Variants in SUN3 observed in about 807,000 individuals in gnomAD.
The protein encoded by SUN3 is SUN domain-containing protein 3.
Under a neutral mutation model 48.2 loss-of-function variants are expected in SUN3, and 36 were observed. The ratio of observed to expected loss-of-function variants is 0.75; its 90% CI spans 0.57 to 0.99. SUN3 has a LOEUF of 0.99. Ranked by LOEUF, SUN3 falls within the 50% of genes least tolerant of loss-of-function variation. The pLI, the probability that SUN3 is intolerant of heterozygous loss-of-function variation, is 0.00. For missense variants in SUN3, 419 were observed against 433.1 expected (o/e 0.97, Z 0.29); for synonymous variants, 148 against 147.9 (o/e 1.00, Z 0.00).
At chr7:48,008,973 G>T in intron 4 of SUN3, 62 bp downstream of exon 4, 2 of 1,515,630 alleles carry the variant, frequency 1.3e-6, no homozygotes, top group Non-Finnish European at 1.8e-6. Flanking sequence ...TTTTCTGTAC[G>T]AAAACATTTC....
intron 9 of SUN3, among the ~76,000 whole-genome samples, chr7:47,988,458 T>C (rs1346121298): frequency 6.6e-6 from 1 of 152,162 alleles, no homozygotes; most frequent in Non-Finnish European, 1.5e-5. Flanking sequence ...TCCTCCCCTA[T>C]ACTCAAGCAA....
chr7:48,023,393 C>A (rs1790053362), intron 2 of SUN3, among the ~76,000 whole-genome samples: 2 of 151,990 alleles, frequency 1.3e-5, no homozygotes, highest in African/African-American at 4.8e-5. Flanking sequence ...CAGTTGAAAT[C>A]CCCATGGTAA....
chr7:48,007,148 C>G lies in SUN3; in HGVS notation c.492+17G>C. ...CACCACCCCACCCTGCCCAACCCGC[C>G]TAGCCTCATCCAGGACCTCTGTGTG... On this transcript the variant is annotated intron_variant, in intron 5 of 9. Coordinates refer to ENST00000297325, the MANE Select transcript of SUN3 (RefSeq NM_001030019.2). 6.2e-7 allele frequency: 1 copy of G among 1,610,100 alleles called. No homozygotes were observed.
intron 3 of SUN3, among the ~76,000 whole-genome samples, chr7:48,014,418 C>A (rs530861830): frequency 6.6e-6 from 1 of 152,280 alleles, no homozygotes; most frequent in Non-Finnish European, 1.5e-5. Context: ...AGGCTCTAGA[C>A]AAGCTCCTTG....
At chr7:47,993,837 C>A (rs1436248529) in intron 8 of SUN3, among the ~76,000 whole-genome samples, 2 of 151,952 alleles carry the variant, frequency 1.3e-5, no homozygotes, top group African/African-American at 2.4e-5. Context: ...TCTCCAGAAA[C>A]CTGTTTTGTT....
the SUN3 span, among the ~76,000 whole-genome samples, chr7:48,035,102 T>C: frequency 2.0e-5 from 3 of 152,164 alleles, no homozygotes; most frequent in Non-Finnish European, 2.9e-5. The surrounding 1 kb of genome is among the most constrained non-coding windows in gnomAD (Gnocchi z 4.0). Context: ...GTGTTTTGTT[T>C]TGTTGTGTTT....
At chr7:48,004,427 C>A (rs745381822) in intron 6 of SUN3, among the ~76,000 whole-genome samples, 3 of 152,196 alleles carry the variant, frequency 2.0e-5, no homozygotes, top group Admixed American at 6.5e-5. Flanking sequence ...TCCTCAAAAC[C>A]TTTACTACAG....
chr7:48,026,525 C>T (rs183276980), intron 1 of SUN3, among the ~76,000 whole-genome samples: 60 of 152,008 alleles, frequency 3.9e-4, no homozygotes, highest in African/African-American at 1.4e-3. Flanking sequence ...AAACCTCACC[C>T]AGGACTGGAA....
the SUN3 span, among the ~76,000 whole-genome samples, chr7:48,034,613 C>A: frequency 6.6e-6 from 1 of 152,176 alleles, no homozygotes; most frequent in South Asian, 2.1e-4. Flanking sequence ...TTGTATAGGG[C>A]TTTCTGGGTA....
chr7:48,018,622 C>G (rs1192035091), intron 2 of SUN3: 1 of 103,898 alleles, frequency 9.6e-6, no homozygotes, highest in Non-Finnish European at 2.1e-5. Context: ...GATTCCATCC[C>G]AAAAAAAAAA....
intron 8 of SUN3, among the ~76,000 whole-genome samples, chr7:47,992,762 T>C (rs1000257208): frequency 2.6e-5 from 4 of 152,162 alleles, no homozygotes; most frequent in Non-Finnish European, 5.9e-5. Flanking sequence ...ATTTATAAGT[T>C]ATCTGATGTG....
intron 6 of SUN3, among the ~76,000 whole-genome samples, chr7:48,003,951 T>C (rs79169191): frequency 0.027 from 4,145 of 152,296 alleles, 191 homozygotes; most frequent in African/African-American, 0.094. Context: ...GTGTTGAATA[T>C]GAGTGACTTC....
At position 48,001,825 on chromosome 7, in the gene SUN3, C is replaced by T. The variant is rs557034045; in HGVS notation, c.577+4144G>A. 7.9e-5 allele frequency among the ~76,000 whole-genome samples: 12 copies of T among 152,248 alleles called. No homozygotes were observed. The East Asian group carries it at 9.7e-4, about 12-fold the overall frequency. ...TGCTGGGATTACAGGCGTGAGCCAC[C>T]GTGCCTGGCCAGTTCCATGTCTTTT... On this transcript the variant is annotated intron_variant, in intron 6 of 9. Coordinates refer to ENST00000297325, the MANE Select transcript of SUN3 (RefSeq NM_001030019.2).
chr7:47,995,286 C>A (rs900699544), intron 7 of SUN3, among the ~76,000 whole-genome samples: 17 of 142,096 alleles, frequency 1.2e-4, no homozygotes, highest in African/African-American at 3.8e-4. Flanking sequence ...ATGGTGGTGG[C>A]GGTGATGGTG....
chr7:47,996,888 G>A (rs1472313769), intron 6 of SUN3, among the ~76,000 whole-genome samples: 11 of 145,966 alleles, frequency 7.5e-5, no homozygotes, highest in South Asian at 6.5e-4. Context: ...TGCAACCTCC[G>A]CTGCCTGGGT....
upstream of SUN3, among the ~76,000 whole-genome samples, chr7:48,031,927 A>G (rs1484454042): frequency 6.6e-6 from 1 of 152,132 alleles, no homozygotes; most frequent in East Asian, 1.9e-4. Context: ...ATTCAGCCAT[A>G]AAAAGTAGGA....
intron 6 of SUN3, among the ~76,000 whole-genome samples, chr7:48,005,197 C>T (rs1325812993): frequency 6.6e-6 from 1 of 152,158 alleles, no homozygotes; most frequent in Admixed American, 6.6e-5. Context: ...CAAAAAATCC[C>T]AACTATGGTT....
chr7:48,000,480 A>T (rs538955494), intron 6 of SUN3, among the ~76,000 whole-genome samples: 44 of 152,296 alleles, frequency 2.9e-4, no homozygotes, highest in African/African-American at 9.6e-4. Flanking sequence ...CTCTTTCTTC[A>T]TTCTTTAAGT....
Position 47,987,222 on chromosome 7 carries a change from T to G in SUN3, c.*108A>C. 8.1e-7 allele frequency: 1 copy of G among 1,235,842 alleles called. No individual in the cohort carries two copies. The highest frequency in any genetic ancestry group is 1.1e-6 in the Non-Finnish European group (1 of 927,120). 76.6% of individuals were successfully genotyped at this position (1,235,842 alleles called of 1,614,324 possible). On this transcript the variant is annotated 3_prime_UTR_variant, in exon 10 of 10. Coordinates refer to ENST00000297325, the MANE Select transcript of SUN3 (RefSeq NM_001030019.2). ...CAGGCAAGTATGAACCACTTTGAGG[T>G]TTTCTTCCCACTCCCAATTCTCAAT...
Sources: gnomAD v4.1 joint callset for allele counts (sites outside exome capture counted in the v4.1 genomes callset) on GRCh38, gnomAD v4.1.1 for gene constraint, Gnocchi (gnomAD v3.1) non-coding constraint, MANE v1.5 for transcripts, NCBI Gene and HGNC (gene_info 2026-07-23, HGNC 2026-07-21) for gene names.